THSD7B: variants seen among roughly 807,000 people sequenced by gnomAD.
The protein encoded by THSD7B is thrombospondin type 1 domain containing 7B, also known as thrombospondin type-1 domain-containing protein 7B.
Under a neutral mutation model 213.6 loss-of-function variants are expected in THSD7B, and 138 were observed. The observed-to-expected ratio is 0.65, with a 90% confidence interval of 0.56 to 0.74. THSD7B has a LOEUF of 0.74. THSD7B is among the 30% of genes least tolerant of loss of function. The pLI, the probability that THSD7B is intolerant of heterozygous loss-of-function variation, is 0.00. For synonymous variants in THSD7B, 742 were observed against 687.0 expected (o/e 1.08, Z -1.25); for missense variants, 1,931 against 1,991.5 (o/e 0.97, Z 0.58).
At chr2:137,527,438 A>G (rs1680299818) in intron 15 of THSD7B, among the ~76,000 whole-genome samples, 1 of 152,182 alleles carries the variant, frequency 6.6e-6, no homozygotes. Context: ...ATCAATGAGT[A>G]TAATTGATTC....
chr2:137,165,420 A>T (rs1322426945), intron 6 of THSD7B, among the ~76,000 whole-genome samples: 2 of 152,174 alleles, frequency 1.3e-5, no homozygotes, highest in African/African-American at 4.8e-5. Context: ...CCTTCAAGGT[A>T]TCCAAGCATG....
At chr2:136,975,643 T>C (rs1558873348) in intron 2 of THSD7B, among the ~76,000 whole-genome samples, 1 of 152,188 alleles carries the variant, frequency 6.6e-6, no homozygotes, top group African/African-American at 2.4e-5. Flanking sequence ...TTGTTCTTTT[T>C]TCTTAAGGTT....
At chr2:137,158,730 T>C (rs577417301) in intron 5 of THSD7B, among the ~76,000 whole-genome samples, 5 of 152,242 alleles carry the variant, frequency 3.3e-5, no homozygotes, top group African/African-American at 9.6e-5. Flanking sequence ...TGAAATTTAT[T>C]TTCACTCTTA....
At chr2:137,403,972 A>C (rs1429481003) in intron 12 of THSD7B, among the ~76,000 whole-genome samples, 1 of 152,198 alleles carries the variant, frequency 6.6e-6, no homozygotes, top group Non-Finnish European at 1.5e-5. Flanking sequence ...AAGGTTGAGA[A>C]ATGTTGATCT....
At chr2:137,315,294 C>G (rs2104869492) in intron 12 of THSD7B, among the ~76,000 whole-genome samples, 1 of 152,322 alleles carries the variant, frequency 6.6e-6, no homozygotes, top group Admixed American at 6.5e-5. Flanking sequence ...TCACCCCTTT[C>G]TTTGACTCGG....
At chr2:137,405,515 A>C (rs1019758063) in intron 12 of THSD7B, 98 bp from the exon 13 acceptor site, 1 of 1,218,246 alleles carries the variant, frequency 8.2e-7, no homozygotes, top group East Asian at 2.6e-5. Context: ...GTGAAGCCCA[A>C]GTTTTTAAAC....
intron 1 of THSD7B, among the ~76,000 whole-genome samples, chr2:136,770,952 A>G (rs1681494128): frequency 6.6e-6 from 1 of 152,114 alleles, no homozygotes; most frequent in African/African-American, 2.4e-5. Context: ...TAAAATAAGG[A>G]TATTAAGTTC....
intron 15 of THSD7B, among the ~76,000 whole-genome samples, chr2:137,458,060 A>T (rs1327499416): frequency 1.3e-5 from 2 of 152,174 alleles, no homozygotes; most frequent in South Asian, 2.1e-4. Flanking sequence ...ACAAAAAAAA[A>T]GTTAGAAGAA....
chr2:137,443,553 G>A (rs1425029607), intron 14 of THSD7B, among the ~76,000 whole-genome samples: 2 of 152,014 alleles, frequency 1.3e-5, no homozygotes, highest in Admixed American at 6.6e-5. Flanking sequence ...ATCAAGGGCA[G>A]GGTTGATTCT....
At chr2:137,381,009 T>A (rs1467609393) in intron 12 of THSD7B, among the ~76,000 whole-genome samples, 1 of 152,226 alleles carries the variant, frequency 6.6e-6, no homozygotes, top group Non-Finnish European at 1.5e-5. Flanking sequence ...GTCAAAACTG[T>A]CTACAATTCC....
At chr2:137,210,003 A>G (rs952048317) in intron 7 of THSD7B, among the ~76,000 whole-genome samples, 5 of 152,094 alleles carry the variant, frequency 3.3e-5, no homozygotes, top group Admixed American at 2.0e-4. Flanking sequence ...CAGAAGAAAG[A>G]CCAGTGAGGA....
At chr2:137,074,836 C>T (rs1392947599) in intron 3 of THSD7B, among the ~76,000 whole-genome samples, 1 of 152,120 alleles carries the variant, frequency 6.6e-6, no homozygotes, top group Non-Finnish European at 1.5e-5. Flanking sequence ...ATTTCTCCTT[C>T]AGTTATGAAG....
At chr2:137,450,812 C>G in intron 14 of THSD7B, 33 bp from the exon 15 acceptor site, 2 of 1,502,330 alleles carry the variant, frequency 1.3e-6, no homozygotes, top group Non-Finnish European at 1.8e-6. Context: ...ACATTTTAAT[C>G]AGACTTTCTT....
intron 12 of THSD7B, among the ~76,000 whole-genome samples, chr2:137,314,610 G>C (rs1430242450): frequency 4.6e-5 from 7 of 152,190 alleles, no homozygotes; most frequent in Non-Finnish European, 1.0e-4. Context: ...CAGTTTTTCT[G>C]CTCTGTTTTT....
intron 1 of THSD7B, among the ~76,000 whole-genome samples, chr2:136,821,662 G>C (rs1682566005): frequency 6.6e-6 from 1 of 152,168 alleles, no homozygotes; most frequent in South Asian, 2.1e-4. Flanking sequence ...AGAAGACCAG[G>C]AGCTCTGCAA....
intron 15 of THSD7B, among the ~76,000 whole-genome samples, chr2:137,517,526 G>A (rs149928910): frequency 2.0e-5 from 3 of 152,318 alleles, no homozygotes; most frequent in African/African-American, 7.2e-5. Context: ...TAAGAAAGAG[G>A]CATAATGTCT....
rs74769879 is a variant in THSD7B at position 136,917,411 on chromosome 2, C to T, written c.139+35094C>T. The stretch of plus-strand genomic sequence containing the variant: ...GCTGATCGTTGCATGGTTTAGTCTG[C>T]GGACTCACAAAGCCAGCTCTTGTCT... On this transcript the variant is annotated intron_variant, in intron 2 of 27. Transcript: ENST00000409968. Among the ~76,000 whole-genome samples the T allele has an allele frequency of 3.3e-3, 501 of 152,278 alleles. 4 individuals are homozygous for T. Among genetic ancestry groups the T allele is most frequent in the Middle Eastern group, 0.01 (3 of 294 alleles).
chr2:137,364,204 C>G (rs1216599316), intron 12 of THSD7B, among the ~76,000 whole-genome samples: 7 of 152,154 alleles, frequency 4.6e-5, no homozygotes, highest in African/African-American at 1.7e-4. Flanking sequence ...AGCCTTCATG[C>G]TAAAAATTCT....
chr2:137,100,931 C>T (rs1253017053), intron 4 of THSD7B, among the ~76,000 whole-genome samples: 2 of 152,200 alleles, frequency 1.3e-5, no homozygotes, highest in East Asian at 3.9e-4. Context: ...AGGGTTACTT[C>T]AAAAAAGGTG....
Sources: gnomAD v4.1 joint callset for allele counts (sites outside exome capture counted in the v4.1 genomes callset) on GRCh38, gnomAD v4.1.1 for gene constraint, MANE v1.5 for transcripts, NCBI Gene and HGNC (gene_info 2026-07-23, HGNC 2026-07-21) for gene names.